The following GALNT13 variants were observed in gnomAD, a reference collection of about 807,000 sequenced individuals.
GALNT13 encodes UDP-GalNAc:polypeptide N-acetylgalactosaminyltransferase 13.
A neutral mutation model predicts 64.2 loss-of-function variants in GALNT13; 28 were observed. The ratio of observed to expected loss-of-function variants is 0.44; its 90% confidence interval spans 0.32 to 0.60. The LOEUF (loss-of-function observed/expected upper bound fraction) is 0.60. Ranked by LOEUF, GALNT13 falls within the 20% of genes least tolerant of loss-of-function variation. The probability of loss-of-function intolerance (pLI) is 0.05; values close to 1 mark genes in which losing one functional copy is unlikely to be tolerated. For missense variants in GALNT13, 577 were observed against 669.8 expected, an observed-to-expected ratio of 0.86 and a Z score of 1.53; for synonymous variants, 214 against 224.6, an observed-to-expected ratio of 0.95 and a Z score of 0.42.
chr2:154,133,326 G>A (rs1682732615), intron 3 of GALNT13, among the ~76,000 whole-genome samples: 1 of 151,514 alleles, frequency 6.6e-6, no homozygotes, highest in South Asian at 2.1e-4. Context: ...AATTTAAATG[G>A]TGATTTGCTA....
rs538728228 is a variant in GALNT13 at position 153,878,131 on chromosome 2, AT to A, written c.-177+5830del. Among the ~76,000 whole-genome samples the A allele has an allele frequency of 2.0e-3, 309 of 152,344 alleles. 3 individuals are homozygous for A. Among genetic ancestry groups the A allele is most frequent in the Middle Eastern group, 6.8e-3 (2 of 294 alleles). On this transcript the variant is annotated intron_variant, in intron 1 of 12. Transcript: ENST00000392825. ...TATTTTCTTTTGTATAGTAAGAATG[AT>A]TGAAAAAGTCTACTTCTATCATCTC...
At chr2:153,164,129 TTTC>T in the GALNT13 span, among the ~76,000 whole-genome samples, 1 of 152,180 alleles carries the variant, frequency 6.6e-6, no homozygotes, top group African/African-American at 2.4e-5. Flanking sequence ...GTCAGTTTTA[TTTC>T]TTATTTATTT....
the GALNT13 span, among the ~76,000 whole-genome samples, chr2:153,714,980 T>G: frequency 6.6e-6 from 1 of 152,198 alleles, no homozygotes; most frequent in African/African-American, 2.4e-5. Context: ...ACAATCTTTT[T>G]CTTTAGTTTA....
chr2:153,713,411 C>T, the GALNT13 span, among the ~76,000 whole-genome samples: 2 of 152,232 alleles, frequency 1.3e-5, no homozygotes, highest in African/African-American at 2.4e-5. Context: ...ACTGATGTCT[C>T]TTACATTATG....
chr2:153,349,997 C>G, the GALNT13 span, among the ~76,000 whole-genome samples: 4 of 152,148 alleles, frequency 2.6e-5, no homozygotes, highest in Admixed American at 2.6e-4. Context: ...AGCACTGGGC[C>G]GAACCTCCTT....
intron 3 of GALNT13, among the ~76,000 whole-genome samples, chr2:154,007,435 G>T (rs1239164453): frequency 6.6e-6 from 1 of 151,952 alleles, no homozygotes; most frequent in African/African-American, 2.4e-5. Flanking sequence ...ACCTTAAATG[G>T]GAAAATGAAA....
chr2:153,377,392 G>T, the GALNT13 span, among the ~76,000 whole-genome samples: 1 of 152,068 alleles, frequency 6.6e-6, no homozygotes, highest in Non-Finnish European at 1.5e-5. Flanking sequence ...TCCCAGTGTG[G>T]TGGTGCTAGG....
chr2:154,140,809 C>A (rs1368941473), intron 4 of GALNT13, among the ~76,000 whole-genome samples: 1 of 152,078 alleles, frequency 6.6e-6, no homozygotes, highest in East Asian at 1.9e-4. Flanking sequence ...AGATTCAGAG[C>A]AAATATGCTC....
rs931529261 is a variant in GALNT13, at chr2:154,236,083, A to G, written c.312-5947A>G. 1.6e-5 allele frequency: 19 copies of G among 1,211,208 alleles called. No individual in the cohort carries two copies. In the African/African-American group the frequency reaches 2.5e-4, roughly 16 times the overall value. The allele number at this position is 1,211,208 out of a possible 1,614,324, so 75.0% of individuals were successfully genotyped here. On this transcript the variant is annotated intron_variant, in intron 4 of 12. Coordinates refer to ENST00000392825, the MANE Select transcript of GALNT13 (RefSeq NM_052917.4). ...GAGAACAGCATTAGTGTACATCCAG[A>G]TGACAGAAGAGATTGTAAAAGAAGT... is the stretch of plus-strand genomic sequence containing the variant.
At chr2:153,483,533 C>T in the GALNT13 span, among the ~76,000 whole-genome samples, 2 of 148,910 alleles carry the variant, frequency 1.3e-5, no homozygotes, top group African/African-American at 4.9e-5. Context: ...TCTCCTGCCT[C>T]TGCTTCCTGA....
chr2:154,237,417 A>G (rs952358938), intron 4 of GALNT13, among the ~76,000 whole-genome samples: 2 of 151,112 alleles, frequency 1.3e-5, no homozygotes, highest in African/African-American at 4.8e-5. Context: ...TGTTTTAAGT[A>G]CTTATCCCCA....
chr2:154,018,512 A>AG (rs981039168), intron 3 of GALNT13, among the ~76,000 whole-genome samples: 5 of 152,156 alleles, frequency 3.3e-5, no homozygotes, highest in Non-Finnish European at 5.9e-5. Context: ...TTGTGTGTAT[A>AG]GGAAAAAAAA....
At chr2:153,409,167 C>T in the GALNT13 span, among the ~76,000 whole-genome samples, 1,189 of 151,958 alleles carry the variant, frequency 7.8e-3, 16 homozygotes, top group Middle Eastern at 0.031. Flanking sequence ...TGTTGGGACT[C>T]GGACTGAACC....
chr2:153,726,211 T>G, the GALNT13 span, among the ~76,000 whole-genome samples: 1 of 152,150 alleles, frequency 6.6e-6, no homozygotes, highest in Non-Finnish European at 1.5e-5. Context: ...ATAAATGAAC[T>G]TTACATATTA....
chr2:153,433,715 C>T, the GALNT13 span, among the ~76,000 whole-genome samples: 1 of 152,224 alleles, frequency 6.6e-6, no homozygotes, highest in Admixed American at 6.5e-5. Context: ...TCTCCATGTA[C>T]TTCAACAACT....
chr2:153,925,764 G>C (rs1194297390), intron 2 of GALNT13, among the ~76,000 whole-genome samples: 1 of 151,976 alleles, frequency 6.6e-6, no homozygotes, highest in African/African-American at 2.4e-5. Context: ...CCCTTGAAGA[G>C]GTCCTTTATT....
chr2:153,309,953 A>G, the GALNT13 span, among the ~76,000 whole-genome samples: 72 of 152,236 alleles, frequency 4.7e-4, no homozygotes, highest in South Asian at 2.1e-3. Context: ...ACTTTCCAAA[A>G]TCCTTAGTAA....
At chr2:153,651,661 G>A in the GALNT13 span, among the ~76,000 whole-genome samples, 6 of 152,130 alleles carry the variant, frequency 3.9e-5, no homozygotes, top group Admixed American at 6.6e-5. Context: ...CCATAGGGCT[G>A]GTGGAACGTA....
chr2:154,239,097 C>A (rs1282935038), intron 4 of GALNT13, among the ~76,000 whole-genome samples: 1 of 151,874 alleles, frequency 6.6e-6, no homozygotes. Context: ...AACATGATAG[C>A]TACATTAACA....
Sources: allele counts gnomAD v4.1 joint callset (sites outside exome capture counted in the v4.1 genomes callset), GRCh38; gene constraint gnomAD v4.1.1; transcripts MANE v1.5; gene names NCBI Gene and HGNC (gene_info 2026-07-23, HGNC 2026-07-21).